The following NALF1 variants were observed in gnomAD, a reference collection of about 807,000 sequenced individuals.
The protein encoded by NALF1 is family with sequence similarity 155 member A.
A neutral mutation model predicts 48.4 loss-of-function variants in NALF1; 3 were observed. The observed-to-expected ratio is 0.06, with a 90% CI of 0.03 to 0.16. The LOEUF is 0.16. NALF1 is among the 10% of genes least tolerant of loss of function. The pLI, the probability that NALF1 is intolerant of heterozygous loss-of-function variation, is 1.00. For synonymous variants in NALF1, 262 were observed against 245.7 expected, an observed-to-expected ratio of 1.07 and a Z score of -0.62; for missense variants, 526 against 571.5, an observed-to-expected ratio of 0.92 and a Z score of 0.81.
chr13:107,356,679 T>C (rs945096874), intron 1 of NALF1, among the ~76,000 whole-genome samples: 6 of 152,168 alleles, frequency 3.9e-5, no homozygotes, highest in African/African-American at 1.4e-4. Context: ...GTTTTAGACA[T>C]TAAAAGACTT....
intron 1 of NALF1, among the ~76,000 whole-genome samples, chr13:107,845,392 T>A (rs1381034894): frequency 1.3e-5 from 2 of 152,154 alleles, no homozygotes; most frequent in Non-Finnish European, 2.9e-5. Context: ...TACCTGATGA[T>A]AAGGAATAGG....
intron 1 of NALF1, among the ~76,000 whole-genome samples, chr13:107,784,694 A>G (rs1426860364): frequency 6.6e-6 from 1 of 152,110 alleles, no homozygotes; most frequent in Non-Finnish European, 1.5e-5. Flanking sequence ...TAAAACCACA[A>G]TGCGATACCA....
intron 1 of NALF1, among the ~76,000 whole-genome samples, chr13:107,432,966 G>A (rs2139018910): frequency 6.6e-6 from 1 of 152,226 alleles, no homozygotes; most frequent in South Asian, 2.1e-4. Context: ...GCAGCCCAGG[G>A]AGTCCCTTAA....
At chr13:107,840,074 C>T (rs555464428) in intron 1 of NALF1, among the ~76,000 whole-genome samples, 2 of 152,256 alleles carry the variant, frequency 1.3e-5, no homozygotes, top group Admixed American at 1.3e-4. Flanking sequence ...GTTGATAAAA[C>T]CCTTTAGCAA....
chr13:107,742,057 T>C (rs2138545055), intron 1 of NALF1, among the ~76,000 whole-genome samples: 1 of 152,306 alleles, frequency 6.6e-6, no homozygotes, highest in East Asian at 1.9e-4. Context: ...TTTCTTTAAG[T>C]AATGGTGCAC....
chr13:107,430,649 A>G (rs1429831886), intron 1 of NALF1, among the ~76,000 whole-genome samples: 1 of 152,154 alleles, frequency 6.6e-6, no homozygotes, highest in Non-Finnish European at 1.5e-5. Context: ...TTATGGCTGC[A>G]TAGTATTCCA....
chr13:107,308,914 T>C (rs1367698182), intron 1 of NALF1, among the ~76,000 whole-genome samples: 1 of 152,256 alleles, frequency 6.6e-6, no homozygotes, highest in Non-Finnish European at 1.5e-5. Flanking sequence ...TTCAACTCTG[T>C]CTTATCTGCT....
rs74114030 is a variant in NALF1 at position 107,259,352 on chromosome 13, G to A, written c.916-48597C>T. On this transcript the variant is annotated intron_variant, in intron 1 of 2. Transcript: ENST00000375915. ...AGAACTGAATTCATTGAATTTCTGC[G>A]CTGGATCCTCTGGCTTTTGTAGGTC... is the stretch of plus-strand genomic sequence containing the variant. Among the ~76,000 whole-genome samples the A allele has an allele frequency of 2.5e-3, 387 of 152,248 alleles. 3 individuals carry two copies. The highest frequency in any genetic ancestry group is 8.6e-3 in the African/African-American group (356 of 41,534).
chr13:107,629,539 A>C (rs939250424), intron 1 of NALF1, among the ~76,000 whole-genome samples: 5 of 152,034 alleles, frequency 3.3e-5, no homozygotes, highest in Non-Finnish European at 7.4e-5. Context: ...ACTGAACATC[A>C]CTTGTTGGGC....
Position 107,853,018 on chromosome 13 carries a change from C to T in NALF1, c.915+12664G>A, listed in dbSNP as rs192580804. Among the ~76,000 whole-genome samples, 8 of 149,894 alleles carry T rather than the reference C, an allele frequency of 5.3e-5. No homozygotes were observed. The East Asian group carries it at 1.6e-3, about 30-fold the overall frequency. Reference sequence around the variant, plus strand: ...CTATTAAGATGAATTAATTAAAAGTCATATTTGAGTGAATATGATTTTTTC... The same window carrying T: ...CTATTAAGATGAATTAATTAAAAGTTATATTTGAGTGAATATGATTTTTTC... On this transcript the variant is annotated intron_variant, in intron 1 of 2. Coordinates refer to ENST00000375915, the MANE Select transcript of NALF1 (RefSeq NM_001080396.3).
chr13:107,760,706 C>T lies in NALF1; in HGVS notation c.915+104976G>A, dbSNP rs538915803. ...AGTTTTAAATGTTACTCAAATACCA[C>T]GCATGTTGTCATAATTCTAGCAAGG... On this transcript the variant is annotated intron_variant, in intron 1 of 2. Coordinates refer to ENST00000375915, the MANE Select transcript of NALF1 (RefSeq NM_001080396.3). Among the ~76,000 whole-genome samples, 6 of 152,284 alleles carry T rather than the reference C, an allele frequency of 3.9e-5. No individual in the cohort carries two copies. In the South Asian group the frequency reaches 1.0e-3, roughly 26 times the overall value.
chr13:107,203,493 G>A (rs974323763), intron 2 of NALF1, among the ~76,000 whole-genome samples: 1 of 152,218 alleles, frequency 6.6e-6, no homozygotes, highest in African/African-American at 2.4e-5. Context: ...CTTCCAGAGG[G>A]TTCAGAGGGC....
rs117618026 is a variant in NALF1, at chr13:107,770,208, G to A, written c.915+95474C>T. ...AATTACAGGCGTGAGCCACCGCGCC[G>A]GGCCCACTTTTGTTTTTTATAATAA... On this transcript the variant is annotated intron_variant, in intron 1 of 2. Coordinates refer to ENST00000375915, the MANE Select transcript of NALF1 (RefSeq NM_001080396.3). Among the ~76,000 whole-genome samples the A allele has an allele frequency of 6.2e-3, 947 of 152,154 alleles. 8 individuals are homozygous for A. The highest frequency in any genetic ancestry group is 0.011 in the Non-Finnish European group (751 of 67,996).
At chr13:107,299,465 TAATAATA>T (rs147928570) in intron 1 of NALF1, among the ~76,000 whole-genome samples, 59,505 of 117,914 alleles carry the variant, frequency 0.5, 13,243 homozygotes, top group South Asian at 0.65. Flanking sequence ...ATAATAATAA[TAATAATA>T]AATAAATAAA....
At chr13:107,577,149 A>G (rs1006138622) in intron 1 of NALF1, among the ~76,000 whole-genome samples, 2 of 152,200 alleles carry the variant, frequency 1.3e-5, no homozygotes, top group Admixed American at 1.3e-4. Context: ...ATCTTCTACC[A>G]TTGACATCGT....
chr13:107,615,329 C>G (rs1879351479), intron 1 of NALF1, among the ~76,000 whole-genome samples: 1 of 152,074 alleles, frequency 6.6e-6, no homozygotes. Flanking sequence ...TTCTTTTGCC[C>G]CTGGTACCAT....
At chr13:107,498,722 A>T (rs1043612499) in intron 1 of NALF1, among the ~76,000 whole-genome samples, 6 of 152,172 alleles carry the variant, frequency 3.9e-5, no homozygotes, top group Non-Finnish European at 7.4e-5. Flanking sequence ...TAGGAGTTTG[A>T]ATTTTATTCT....
At chr13:107,497,489 C>T (rs569202478) in intron 1 of NALF1, among the ~76,000 whole-genome samples, 1 of 152,134 alleles carries the variant, frequency 6.6e-6, no homozygotes, top group Non-Finnish European at 1.5e-5. Context: ...CAAATATGGT[C>T]GTGCTGATCA....
intron 1 of NALF1, among the ~76,000 whole-genome samples, chr13:107,726,037 G>A (rs1157408737): frequency 1.3e-5 from 2 of 152,098 alleles, no homozygotes; most frequent in African/African-American, 4.8e-5. Flanking sequence ...GGGTGGATGG[G>A]TGTGCCTGCA....
Sources: allele counts gnomAD v4.1 joint callset (sites outside exome capture counted in the v4.1 genomes callset), GRCh38; gene constraint gnomAD v4.1.1; transcripts MANE v1.5; gene names NCBI Gene and HGNC (gene_info 2026-07-23, HGNC 2026-07-21).